The following RSRC1 variants were observed in gnomAD, a reference collection of about 807,000 sequenced individuals.
RSRC1 encodes arginine and serine rich coiled-coil 1.
Under a neutral mutation model 49.1 loss-of-function variants are expected in RSRC1, and 39 were observed. The ratio of observed to expected loss-of-function variants is 0.79; its 90% confidence interval spans 0.61 to 1.04. The LOEUF (loss-of-function observed/expected upper bound fraction) is 1.04, where lower values mean the gene tolerates loss of function less well. RSRC1 is among the 50% of genes least tolerant of loss of function. The pLI, the probability that RSRC1 is intolerant of heterozygous loss-of-function variation, is 0.00. For missense variants in RSRC1, 388 were observed against 402.4 expected, an observed-to-expected ratio of 0.96 and a Z score of 0.31; for synonymous variants, 143 against 130.8, an observed-to-expected ratio of 1.09 and a Z score of -0.63.
chr3:158,126,227 T>A (rs1349075984), intron 3 of RSRC1, among the ~76,000 whole-genome samples: 1 of 152,202 alleles, frequency 6.6e-6, no homozygotes, highest in Non-Finnish European at 1.5e-5. Context: ...CAATAATTAC[T>A]GATGGGGAAG....
chr3:158,348,552 A>G (rs1407967640), intron 5 of RSRC1, among the ~76,000 whole-genome samples: 1 of 151,478 alleles, frequency 6.6e-6, no homozygotes, highest in Non-Finnish European at 1.5e-5. Context: ...GGTTAATCTT[A>G]GAAGTTTTTG....
At chr3:158,493,228 A>G (rs1172237049) in intron 7 of RSRC1, among the ~76,000 whole-genome samples, 1 of 152,206 alleles carries the variant, frequency 6.6e-6, no homozygotes, top group Non-Finnish European at 1.5e-5. Flanking sequence ...ATTGTTCACA[A>G]CTAAGCAGTT....
chr3:158,325,630 A>T (rs1298279238), intron 5 of RSRC1, among the ~76,000 whole-genome samples: 1 of 152,178 alleles, frequency 6.6e-6, no homozygotes, highest in African/African-American at 2.4e-5. Context: ...TGGTTACTGT[A>T]GCCTTGTAGT....
At chr3:158,511,973 T>C (rs1205931205) in intron 7 of RSRC1, among the ~76,000 whole-genome samples, 1 of 151,108 alleles carries the variant, frequency 6.6e-6, no homozygotes, top group Non-Finnish European at 1.5e-5. Flanking sequence ...TGGGGTTGTT[T>C]TTTTCTTGTA....
At chr3:158,420,072 C>T (rs1349809773) in intron 6 of RSRC1, among the ~76,000 whole-genome samples, 1 of 151,780 alleles carries the variant, frequency 6.6e-6, no homozygotes, top group Non-Finnish European at 1.5e-5. Context: ...AAGCCTCATC[C>T]TACAAAAAAG....
chr3:158,355,336 T>G (rs923004471), intron 6 of RSRC1, among the ~76,000 whole-genome samples: 1 of 151,672 alleles, frequency 6.6e-6, no homozygotes, highest in African/African-American at 2.4e-5. Flanking sequence ...CCATAAAACT[T>G]TATATTTTAT....
intron 3 of RSRC1, 25 bp from the exon 4 acceptor site, chr3:158,203,047 A>G: frequency 6.4e-7 from 1 of 1,573,194 alleles, no homozygotes; most frequent in Non-Finnish European, 8.7e-7. Context: ...CACTAAGTTT[A>G]TTTAACAAAA....
At chr3:158,471,518 C>T (rs1432624827) in intron 7 of RSRC1, among the ~76,000 whole-genome samples, 1 of 152,124 alleles carries the variant, frequency 6.6e-6, no homozygotes, top group Non-Finnish European at 1.5e-5. Flanking sequence ...CAGGCAGTTC[C>T]TTGCTCCCTC....
chr3:158,502,373 G>A (rs1739646941), intron 7 of RSRC1, among the ~76,000 whole-genome samples: 1 of 152,104 alleles, frequency 6.6e-6, no homozygotes, highest in African/African-American at 2.4e-5. Context: ...GAATTTCCTG[G>A]GTGTTCTTTG....
At chr3:158,410,031 G>GT (rs1480944771) in intron 6 of RSRC1, among the ~76,000 whole-genome samples, 1 of 152,040 alleles carries the variant, frequency 6.6e-6, no homozygotes, top group Non-Finnish European at 1.5e-5. Context: ...ATATAGGAAA[G>GT]TTTTACAGTC....
chr3:158,301,876 A>G (rs827166), intron 5 of RSRC1, among the ~76,000 whole-genome samples: 72,360 of 151,798 alleles, frequency 0.48, 17,799 homozygotes, highest in East Asian at 0.64. Flanking sequence ...TCTCAGAGAG[A>G]TGTGTCACTC....
intron 4 of RSRC1, among the ~76,000 whole-genome samples, chr3:158,285,233 G>C (rs189964126): frequency 2.6e-5 from 4 of 152,134 alleles, no homozygotes; most frequent in African/African-American, 9.7e-5. Context: ...TGAGGGCTCT[G>C]TTCTGTTCCA....
At chr3:158,229,350 A>G (rs139919783) in intron 4 of RSRC1, among the ~76,000 whole-genome samples, 1,808 of 121,962 alleles carry the variant, frequency 0.015, 78 homozygotes, top group African/African-American at 0.048. Context: ...GTATGTATAT[A>G]TATACACATA....
In RSRC1 at chr3:158,269,605, C is replaced by T. The variant is rs141307362; in HGVS notation, c.495-28434C>T. On this transcript the variant is annotated intron_variant, in intron 4 of 9. Coordinates refer to ENST00000611884, the MANE Select transcript of RSRC1 (RefSeq NM_001271838.2). ...TCGGCTTACTGCAACCTCTGCCTCC[C>T]GGGTTGAAGTGACTCTCCTGCCTCA... 7.2e-3 allele frequency among the ~76,000 whole-genome samples: 1,090 copies of T among 152,122 alleles called. 20 individuals carry two copies. Among genetic ancestry groups the T allele is most frequent in the African/African-American group, 0.024 (1,011 of 41,490 alleles).
At chr3:158,205,004 C>T (rs1051255500) in intron 4 of RSRC1, among the ~76,000 whole-genome samples, 16 of 152,248 alleles carry the variant, frequency 1.1e-4, no homozygotes, top group Non-Finnish European at 1.9e-4. Context: ...ACAGGTTAGA[C>T]TCATCTCTCA....
At chr3:158,266,951 A>G (rs1411557874) in intron 4 of RSRC1, among the ~76,000 whole-genome samples, 2 of 152,088 alleles carry the variant, frequency 1.3e-5, no homozygotes, top group African/African-American at 4.8e-5. Flanking sequence ...TTTTGTAGAG[A>G]CACTGTTTCG....
chr3:158,395,565 T>C (rs1733568014), intron 6 of RSRC1, among the ~76,000 whole-genome samples: 2 of 151,916 alleles, frequency 1.3e-5, no homozygotes, highest in Admixed American at 6.6e-5. Flanking sequence ...ACCCAACAAG[T>C]ACACAAAAAT....
At chr3:158,202,889 C>G (rs1379139009) in intron 3 of RSRC1, among the ~76,000 whole-genome samples, 183 bp from the exon 4 acceptor site, 1 of 151,862 alleles carries the variant, frequency 6.6e-6, no homozygotes, top group Non-Finnish European at 1.5e-5. Context: ...ATATATTTCC[C>G]TCATATTAAG....
intron 4 of RSRC1, among the ~76,000 whole-genome samples, chr3:158,285,210 T>G (rs1234964025): frequency 2.9e-4 from 44 of 152,024 alleles, no homozygotes; most frequent in East Asian, 5.8e-4. Flanking sequence ...TTGTAGTTAT[T>G]CGGCGTTATT....
Sources: allele counts gnomAD v4.1 joint callset (sites outside exome capture counted in the v4.1 genomes callset), GRCh38; gene constraint gnomAD v4.1.1; transcripts MANE v1.5; gene names NCBI Gene and HGNC (gene_info 2026-07-23, HGNC 2026-07-21).